The following CDH8 variants were observed in gnomAD, a reference collection of about 807,000 sequenced individuals.
CDH8 encodes cadherin 8, also known as cadherin-8.
Under a neutral mutation model 68.1 loss-of-function variants are expected in CDH8, and 17 were observed. That is an observed-to-expected ratio of 0.25 (90% CI 0.17 to 0.37). CDH8 has a LOEUF of 0.37. CDH8 is among the 10% of genes least tolerant of loss of function. CDH8 has a pLI of 1.00. For missense variants in CDH8, 763 were observed against 999.3 expected, an observed-to-expected ratio of 0.76 and a Z score of 3.19; for synonymous variants, 372 against 365.1, an observed-to-expected ratio of 1.02 and a Z score of -0.21.
chr16:61,712,577 A>T (rs1345893730), intron 10 of CDH8, among the ~76,000 whole-genome samples: 2 of 151,734 alleles, frequency 1.3e-5, no homozygotes, highest in East Asian at 3.9e-4. Flanking sequence ...TATTCATATG[A>T]TTTCCATTAA....
At position 61,653,539 on chromosome 16, in the gene CDH8, G is replaced by A; in HGVS notation, c.*69C>T. 6.6e-7 allele frequency: 1 copy of A among 1,518,424 alleles called. No individual in the cohort carries two copies. The highest frequency in any genetic ancestry group is 8.8e-7 in the Non-Finnish European group (1 of 1,135,114). The allele number at this position is 1,518,424 out of a possible 1,614,324, so 94.1% of individuals were successfully genotyped here. ...TCTAAAACAAATAGCCACATTGGTT[G>A]TATCTAAGGGGAGTGACCCTAGAAT... On this transcript the variant is annotated 3_prime_UTR_variant, in exon 12 of 12. Coordinates refer to ENST00000577390, the MANE Select transcript of CDH8 (RefSeq NM_001796.5).
At chr16:61,996,824 T>C (rs1389062849) in intron 2 of CDH8, among the ~76,000 whole-genome samples, 1 of 152,124 alleles carries the variant, frequency 6.6e-6, no homozygotes, top group Non-Finnish European at 1.5e-5. Context: ...CAAGCAATAC[T>C]CCGACCTCAC....
chr16:61,791,593 G>A (rs544152894), intron 7 of CDH8, among the ~76,000 whole-genome samples: 103 of 152,000 alleles, frequency 6.8e-4, no homozygotes, highest in African/African-American at 2.4e-3. Flanking sequence ...ACATCCATGC[G>A]TCAACCAATT....
At chr16:61,661,924 A>T (rs2142756873) in intron 10 of CDH8, among the ~76,000 whole-genome samples, 1 of 151,834 alleles carries the variant, frequency 6.6e-6, no homozygotes, top group South Asian at 2.1e-4. Flanking sequence ...TTTGAGTACA[A>T]GAAGTTATAG....
At chr16:61,967,756 AT>A (rs1965276589) in intron 2 of CDH8, among the ~76,000 whole-genome samples, 1 of 152,172 alleles carries the variant, frequency 6.6e-6, no homozygotes, top group Non-Finnish European at 1.5e-5. Context: ...CAGATTAGGG[AT>A]GCTCAATCTG....
At chr16:61,780,396 C>A (rs899581621) in intron 8 of CDH8, among the ~76,000 whole-genome samples, 1 of 152,222 alleles carries the variant, frequency 6.6e-6, no homozygotes, top group Admixed American at 6.5e-5. Flanking sequence ...AGTGAAGCAT[C>A]TCAGCCTCGG....
chr16:61,858,159 G>A (rs958858357), intron 3 of CDH8, among the ~76,000 whole-genome samples: 1 of 152,006 alleles, frequency 6.6e-6, no homozygotes, highest in African/African-American at 2.4e-5. Flanking sequence ...AGGAGGAAGG[G>A]TCAAACAAAT....
At chr16:61,998,583 TCTGAGATGTA>T (rs1047243434) in intron 2 of CDH8, among the ~76,000 whole-genome samples, 1 of 152,164 alleles carries the variant, frequency 6.6e-6, no homozygotes, top group Non-Finnish European at 1.5e-5. Context: ...TGCTTCTTCC[TCTGAGATGTA>T]CCTAAGCTCT....
intron 2 of CDH8, among the ~76,000 whole-genome samples, chr16:61,979,695 G>A (rs779514941): frequency 2.5e-4 from 38 of 151,428 alleles, no homozygotes; most frequent in Non-Finnish European, 4.6e-4. Flanking sequence ...GTCAGCCACT[G>A]TTCTAATCAG....
At chr16:62,033,201 A>G (rs1185498663) in intron 1 of CDH8, among the ~76,000 whole-genome samples, 1 of 152,164 alleles carries the variant, frequency 6.6e-6, no homozygotes, top group Non-Finnish European at 1.5e-5. Context: ...TTTGTTTTAC[A>G]TCGATCATGC....
rs1963331401 is a variant in CDH8, at chr16:61,651,925, G to A, written c.*1683C>T. 4.4e-6 allele frequency: 1 copy of A among 229,454 alleles called. No individual in the cohort carries two copies. Among genetic ancestry groups the A allele is most frequent in the African/African-American group, 2.3e-5 (1 of 42,838 alleles). The allele number at this position is 229,454 out of a possible 1,614,324, so 14.2% of individuals were successfully genotyped here. On this transcript the variant is annotated 3_prime_UTR_variant, in exon 12 of 12. Transcript: ENST00000577390. ...CAAAAGTGACCCTTGGGATGATTTG[G>A]TTGAGTATTCTAGAATTTTAGTTTG...
intron 3 of CDH8, among the ~76,000 whole-genome samples, chr16:61,873,698 C>G (rs1392045824): frequency 6.6e-6 from 1 of 152,060 alleles, no homozygotes; most frequent in Non-Finnish European, 1.5e-5. Flanking sequence ...TTTTTCAATG[C>G]TGGGCTGAGG....
At chr16:61,948,168 C>G (rs531895247) in intron 2 of CDH8, among the ~76,000 whole-genome samples, 1 of 152,050 alleles carries the variant, frequency 6.6e-6, no homozygotes, top group Non-Finnish European at 1.5e-5. Flanking sequence ...TAAAAAATAA[C>G]ATAATGGAAG....
At chr16:61,744,746 C>T (rs1476728133) in intron 8 of CDH8, among the ~76,000 whole-genome samples, 1 of 151,066 alleles carries the variant, frequency 6.6e-6, no homozygotes, top group East Asian at 1.9e-4. Context: ...AATTCATATA[C>T]ATATCCTTGA....
intron 2 of CDH8, among the ~76,000 whole-genome samples, chr16:61,905,207 C>T (rs999670579): frequency 6.6e-6 from 1 of 152,142 alleles, no homozygotes; most frequent in Non-Finnish European, 1.5e-5. Flanking sequence ...GCAATCCCGC[C>T]TGGGCAGGTA....
intron 7 of CDH8, among the ~76,000 whole-genome samples, chr16:61,814,678 G>T (rs1208636577): frequency 6.6e-6 from 1 of 152,084 alleles, no homozygotes; most frequent in Non-Finnish European, 1.5e-5. Context: ...AGAAAATAAT[G>T]CATAGCTATG....
At chr16:61,702,206 A>G (rs1281640362) in intron 10 of CDH8, among the ~76,000 whole-genome samples, 2 of 152,142 alleles carry the variant, frequency 1.3e-5, no homozygotes, top group Non-Finnish European at 2.9e-5. Context: ...CCCCGTCTCT[A>G]CTAAAAATAC....
chr16:61,943,808 A>C (rs1448243191), intron 2 of CDH8, among the ~76,000 whole-genome samples: 2 of 152,230 alleles, frequency 1.3e-5, no homozygotes, highest in Non-Finnish European at 2.9e-5. Flanking sequence ...GGAAGGTATT[A>C]TAGAGCTCAG....
At chr16:61,739,437 C>T (rs976336977) in intron 8 of CDH8, among the ~76,000 whole-genome samples, 2 of 151,576 alleles carry the variant, frequency 1.3e-5, no homozygotes. Flanking sequence ...TCTGTTATAC[C>T]TCACTCTCTC....
Sources: gnomAD v4.1 joint callset for allele counts (sites outside exome capture counted in the v4.1 genomes callset) on GRCh38, gnomAD v4.1.1 for gene constraint, MANE v1.5 for transcripts, NCBI Gene and HGNC (gene_info 2026-07-23, HGNC 2026-07-21) for gene names.